The following PAIP2B variants were observed in gnomAD, a reference collection of about 807,000 sequenced individuals.
The protein encoded by PAIP2B is poly(A) binding protein interacting protein 2B.
PAIP2B carries 13 observed loss-of-function variants against 17.0 expected under a neutral mutation model. The observed-to-expected ratio is 0.76, with a 90% CI of 0.50 to 1.22. PAIP2B has a LOEUF of 1.22. PAIP2B is among the 50% of genes most tolerant of loss of function. The pLI, the probability that PAIP2B is intolerant of heterozygous loss-of-function variation, is 0.00. For synonymous variants in PAIP2B, 43 were observed against 48.7 expected, an observed-to-expected ratio of 0.88 and a Z score of 0.48; for missense variants, 117 against 144.5, an observed-to-expected ratio of 0.81 and a Z score of 0.98.
At chr2:71,214,959 A>G (rs952492920) in intron 1 of PAIP2B, among the ~76,000 whole-genome samples, 1 of 152,214 alleles carries the variant, frequency 6.6e-6, no homozygotes, top group Non-Finnish European at 1.5e-5. Context: ...AGGATTCCAA[A>G]TTAAAAAACA....
At position 71,183,500 on chromosome 2, in the gene PAIP2B, C is replaced by T. The variant is rs1387861145; in HGVS notation, c.*4979G>A. ...CAGCTTCCCCTATAAGTCCTACGTT[C>T]GGAGGGTTCCGTTTAGACAACAGGA... On this transcript the variant is annotated 3_prime_UTR_variant, in exon 4 of 4. Coordinates refer to ENST00000244221, the MANE Select transcript of PAIP2B (RefSeq NM_020459.1). 3.8e-5 allele frequency: 5 copies of T among 132,896 alleles called. No homozygotes were observed. Among genetic ancestry groups the T allele is most frequent in the Admixed American group, 8.0e-5 (1 of 12,484 alleles). The allele number at this position is 132,896 out of a possible 1,614,324, so 8.2% of individuals were successfully genotyped here. A position where few individuals can be genotyped will look rare whatever the true frequency, so the allele number is the denominator to read the frequency against.
intron 1 of PAIP2B, among the ~76,000 whole-genome samples, chr2:71,211,580 T>C (rs529280226): frequency 6.9e-6 from 1 of 144,156 alleles, no homozygotes; most frequent in South Asian, 2.2e-4. Context: ...TTCTACAAAC[T>C]ACAGTCTTGT....
intron 1 of PAIP2B, among the ~76,000 whole-genome samples, chr2:71,204,911 G>C (rs1675086610): frequency 6.6e-6 from 1 of 152,098 alleles, no homozygotes; most frequent in Non-Finnish European, 1.5e-5. Flanking sequence ...CTAGCACACT[G>C]ATTTCTCACC....
At chr2:71,202,022 GA>G (rs1371936674) in intron 2 of PAIP2B, among the ~76,000 whole-genome samples, 2 of 152,206 alleles carry the variant, frequency 1.3e-5, no homozygotes, top group African/African-American at 4.8e-5. Flanking sequence ...CAGTTGCTGA[GA>G]GAAATGTCAT....
chr2:71,195,900 G>T (rs1674806010), intron 2 of PAIP2B, among the ~76,000 whole-genome samples: 1 of 152,102 alleles, frequency 6.6e-6, no homozygotes, highest in Non-Finnish European at 1.5e-5. Context: ...GCCTCCCTAA[G>T]TGCTGGGACT....
rs750648829 is a variant in PAIP2B, at chr2:71,202,479, C to T, written c.111G>A (p.Met37Ile). 9.9e-6 allele frequency: 16 copies of T among 1,613,594 alleles called. No individual in the cohort carries two copies. Among genetic ancestry groups the T allele is most frequent in the Middle Eastern group, 3.3e-4 (2 of 6,058 alleles). Residue 37 changes from methionine to isoleucine, a missense_variant, in exon 2 of 4, where the codon ATG (methionine) becomes ATA (isoleucine). By Grantham distance (10) the Met-to-Ile change is conservative (BLOSUM62 1). Coordinates refer to ENST00000244221, the MANE Select transcript of PAIP2B (RefSeq NM_020459.1). ...GTCTGTTGAAATCCTCTTCATTCTC[C>T]ATCCACATGTACTCTGCAAATGGGT... Reference protein sequence around the residue: ...KENPFAEYMWMENEEDFNRQV... With the variant: ...KENPFAEYMWIENEEDFNRQV...
intron 2 of PAIP2B, among the ~76,000 whole-genome samples, chr2:71,199,967 GTC>G (rs1197496322): frequency 6.6e-6 from 1 of 152,062 alleles, no homozygotes; most frequent in Non-Finnish European, 1.5e-5. Flanking sequence ...TAAAATAAAA[GTC>G]CCACTACTTT....
rs143743344 is a variant in PAIP2B, at chr2:71,186,616, C to T, written c.*1863G>A. ...AGAAGGGAGAGATTTCCTCTATGCA[C>T]TTGCAATGCCCTTTCCCTTTTAGAG... is the stretch of plus-strand genomic sequence containing the variant. On this transcript the variant is annotated 3_prime_UTR_variant, in exon 4 of 4. Coordinates refer to ENST00000244221, the MANE Select transcript of PAIP2B (RefSeq NM_020459.1). 34 of 152,364 alleles carry T rather than the reference C, an allele frequency of 2.2e-4. No homozygotes were observed. In the East Asian group the frequency reaches 4.6e-3, roughly 21 times the overall value. The allele number at this position is 152,364 out of a possible 1,614,324, so 9.4% of individuals were successfully genotyped here.
intron 2 of PAIP2B, among the ~76,000 whole-genome samples, chr2:71,200,490 G>A (rs572277140): frequency 2.6e-5 from 4 of 152,258 alleles, no homozygotes; most frequent in South Asian, 4.1e-4. Context: ...GGTGGCTCAC[G>A]CCTGTAATCC....
intron 1 of PAIP2B, among the ~76,000 whole-genome samples, chr2:71,207,867 G>A (rs548642863): frequency 2.5e-4 from 38 of 152,198 alleles, no homozygotes; most frequent in South Asian, 1.2e-3. Context: ...TGATAGGGGC[G>A]TGGGGGTAAA....
At chr2:71,208,752 C>G (rs773258487) in intron 1 of PAIP2B, among the ~76,000 whole-genome samples, 1 of 152,034 alleles carries the variant, frequency 6.6e-6, no homozygotes, top group Non-Finnish European at 1.5e-5. Context: ...AAGAGAAAAG[C>G]AGAGGGAGAT....
intron 1 of PAIP2B, among the ~76,000 whole-genome samples, chr2:71,213,369 A>G (rs1675348305): frequency 6.6e-6 from 1 of 152,182 alleles, no homozygotes; most frequent in South Asian, 2.1e-4. Flanking sequence ...ATCCACTAGA[A>G]ATCTTTTCAG....
rs1572928493 is a variant in PAIP2B, at chr2:71,202,483, C to T, written c.107G>A (p.Trp36Ter). ...EKENPFAEYM[W>*]MENEEDFNRQ... ...GTTGAAATCCTCTTCATTCTCCATCCACATGTACTCTGCAAATGGGTTTTC... is the reference window on the plus strand; with the variant it reads ...GTTGAAATCCTCTTCATTCTCCATCTACATGTACTCTGCAAATGGGTTTTC... Residue 36 changes from tryptophan to a stop codon, truncating the protein, a stop_gained, in exon 2 of 4, where the codon TGG becomes TAG. Transcript: ENST00000244221. LOFTEE classifies it high-confidence loss of function. 1 of 1,613,974 alleles carries T rather than the reference C, an allele frequency of 6.2e-7. No homozygotes were observed. The highest frequency in any genetic ancestry group is 1.1e-5 in the South Asian group (1 of 91,062).
intron 1 of PAIP2B, among the ~76,000 whole-genome samples, chr2:71,205,144 A>G (rs185292043): frequency 6.6e-6 from 1 of 152,326 alleles, no homozygotes; most frequent in East Asian, 1.9e-4. Context: ...TGAGAAAGGG[A>G]GTGGGGAATT....
intron 2 of PAIP2B, among the ~76,000 whole-genome samples, chr2:71,192,609 G>T (rs1007354722): frequency 2.0e-5 from 3 of 151,318 alleles, no homozygotes; most frequent in African/African-American, 7.3e-5. Flanking sequence ...CCCCCGTCAA[G>T]TAGACCCCAG....
intron 3 of PAIP2B, among the ~76,000 whole-genome samples, chr2:71,189,593 A>T (rs985675064): frequency 2.0e-5 from 3 of 152,194 alleles, no homozygotes; most frequent in African/African-American, 7.2e-5. Flanking sequence ...TAGAAAGTAA[A>T]GGTTGGTGGC....
At chr2:71,209,897 T>G (rs1485896052) in intron 1 of PAIP2B, among the ~76,000 whole-genome samples, 1 of 152,014 alleles carries the variant, frequency 6.6e-6, no homozygotes, top group African/African-American at 2.4e-5. Flanking sequence ...CGATCTCAGC[T>G]CACTGCAACC....
rs1346860978 is a variant in PAIP2B, at chr2:71,202,480, A to G, written c.110T>C (p.Met37Thr). The change falls in exon 2 of 4, where the codon ATG becomes ACG. Residue 37 changes from methionine to threonine, a missense_variant. By Grantham distance (81) the Met-to-Thr change is moderately conservative (BLOSUM62 -1). Coordinates refer to ENST00000244221, the MANE Select transcript of PAIP2B (RefSeq NM_020459.1). ...KENPFAEYMW[M>T]ENEEDFNRQV... is the part of the protein sequence containing the mutation. ...TCTGTTGAAATCCTCTTCATTCTCC[A>G]TCCACATGTACTCTGCAAATGGGTT... 3 of 1,613,552 alleles carry G rather than the reference A, an allele frequency of 1.9e-6. No individual in the cohort carries two copies. In the Admixed American group the frequency reaches 5.0e-5, roughly 27 times the overall value.
At chr2:71,214,228 C>T (rs1241552656) in intron 1 of PAIP2B, among the ~76,000 whole-genome samples, 1 of 152,202 alleles carries the variant, frequency 6.6e-6, no homozygotes, top group Admixed American at 6.5e-5. Flanking sequence ...ATGCTCTTAA[C>T]CACTTCCATG....
Sources: allele counts gnomAD v4.1 joint callset (sites outside exome capture counted in the v4.1 genomes callset), GRCh38; gene constraint gnomAD v4.1.1; transcripts MANE v1.5; gene names NCBI Gene and HGNC (gene_info 2026-07-23, HGNC 2026-07-21).